Variants in MLLT3 observed in about 807,000 individuals in gnomAD.
The protein encoded by MLLT3 is MLLT3 super elongation complex subunit, also known as protein AF-9.
A neutral mutation model predicts 53.2 loss-of-function variants in MLLT3; 4 were observed. The observed-to-expected ratio is 0.08, with a 90% confidence interval of 0.04 to 0.17. The LOEUF is 0.17. MLLT3 is among the 10% of genes least tolerant of loss of function. The pLI is 1.00. For missense variants in MLLT3, 569 were observed against 684.0 expected (o/e 0.83, Z 1.87); for synonymous variants, 283 against 230.6 (o/e 1.23, Z -2.06).
intron 2 of MLLT3, among the ~76,000 whole-genome samples, chr9:20,530,337 C>T (rs1818299464): frequency 6.6e-6 from 1 of 152,122 alleles, no homozygotes; most frequent in East Asian, 1.9e-4. Flanking sequence ...AATATTGAAA[C>T]TGTTAAGTAA....
intron 5 of MLLT3, among the ~76,000 whole-genome samples, chr9:20,368,130 G>A (rs940673397): frequency 6.6e-6 from 1 of 152,176 alleles, no homozygotes; most frequent in Non-Finnish European, 1.5e-5. Flanking sequence ...CTGTTTGTGG[G>A]TCACAAAGAA....
chr9:20,514,281 A>G (rs1023848207), intron 2 of MLLT3, among the ~76,000 whole-genome samples: 5 of 152,118 alleles, frequency 3.3e-5, no homozygotes, highest in Admixed American at 1.3e-4. Context: ...TGGAGGTTTT[A>G]GTGTCCCAGG....
At chr9:20,397,847 C>A (rs1267619456) in intron 5 of MLLT3, among the ~76,000 whole-genome samples, 6 of 151,908 alleles carry the variant, frequency 3.9e-5, no homozygotes, top group African/African-American at 1.4e-4. Context: ...TCTTTTAAAA[C>A]CACTCTTAGA....
intron 5 of MLLT3, among the ~76,000 whole-genome samples, chr9:20,384,440 C>T (rs894205740): frequency 6.6e-6 from 1 of 151,944 alleles, no homozygotes. Flanking sequence ...TTCCTGCACT[C>T]CTAAGTAAGA....
chr9:20,353,459 C>G, intron 10 of MLLT3, 66 bp downstream of exon 10: 2 of 1,360,028 alleles, frequency 1.5e-6, no homozygotes, highest in South Asian at 2.3e-5. Context: ...GGTGCTATCA[C>G]ACTACTGCAG....
chr9:20,497,707 G>A (rs1226546531), intron 2 of MLLT3, among the ~76,000 whole-genome samples: 1 of 151,920 alleles, frequency 6.6e-6, no homozygotes, highest in African/African-American at 2.4e-5. Context: ...TTCCCTGTTG[G>A]TGGACATCTG....
At chr9:20,608,425 T>C (rs977119093) in intron 2 of MLLT3, among the ~76,000 whole-genome samples, 3 of 151,970 alleles carry the variant, frequency 2.0e-5, no homozygotes, top group African/African-American at 7.2e-5. Context: ...AAATGTATAC[T>C]GTACTGATAT....
At chr9:20,580,942 T>G (rs1819777221) in intron 2 of MLLT3, among the ~76,000 whole-genome samples, 1 of 152,208 alleles carries the variant, frequency 6.6e-6, no homozygotes, top group South Asian at 2.1e-4. Flanking sequence ...TTTTTAAACC[T>G]ACATTATATT....
At chr9:20,454,347 T>C (rs1209582875) in intron 3 of MLLT3, among the ~76,000 whole-genome samples, 3 of 152,160 alleles carry the variant, frequency 2.0e-5, no homozygotes, top group Non-Finnish European at 4.4e-5. Context: ...AAATCTGGCA[T>C]ATGGGGAAAT....
intron 2 of MLLT3, among the ~76,000 whole-genome samples, chr9:20,541,245 G>A (rs1818622358): frequency 6.6e-6 from 1 of 152,088 alleles, no homozygotes; most frequent in African/African-American, 2.4e-5. Flanking sequence ...ACATCTTCCT[G>A]TATTCTTCTG....
intron 2 of MLLT3, among the ~76,000 whole-genome samples, chr9:20,564,288 GAA>G (rs1261625248): frequency 1.3e-5 from 2 of 152,054 alleles, no homozygotes; most frequent in African/African-American, 4.8e-5. Context: ...CAGGGTGTCA[GAA>G]AAGTTTCATG....
chr9:20,610,866 A>G (rs910667914), intron 2 of MLLT3, among the ~76,000 whole-genome samples: 1 of 152,186 alleles, frequency 6.6e-6, no homozygotes, highest in Non-Finnish European at 1.5e-5. Flanking sequence ...TACAACAAGC[A>G]TCAGACAATC....
intron 2 of MLLT3, among the ~76,000 whole-genome samples, chr9:20,600,225 T>C (rs1276776851): frequency 6.6e-6 from 1 of 152,210 alleles, no homozygotes; most frequent in Non-Finnish European, 1.5e-5. Context: ...GCTTCATTTT[T>C]CATAGCTTCA....
At chr9:20,561,029 T>C (rs1467231187) in intron 2 of MLLT3, among the ~76,000 whole-genome samples, 1 of 152,312 alleles carries the variant, frequency 6.6e-6, no homozygotes, top group African/African-American at 2.4e-5. Context: ...TACTGTTAAA[T>C]GTTATAACTG....
chr9:20,484,147 A>G (rs1414309769), intron 2 of MLLT3, among the ~76,000 whole-genome samples: 3 of 152,228 alleles, frequency 2.0e-5, no homozygotes, highest in Non-Finnish European at 4.4e-5. Flanking sequence ...ACATGAACAT[A>G]TAATAAGAGA....
At chr9:20,568,012 A>G (rs917418115) in intron 2 of MLLT3, among the ~76,000 whole-genome samples, 1 of 152,200 alleles carries the variant, frequency 6.6e-6, no homozygotes, top group Admixed American at 6.6e-5. Context: ...TGGCTATTCA[A>G]TAATTCCCAA....
intron 5 of MLLT3, among the ~76,000 whole-genome samples, chr9:20,412,664 T>A (rs904008130): frequency 6.6e-6 from 1 of 152,184 alleles, no homozygotes; most frequent in Non-Finnish European, 1.5e-5. Context: ...TTGCCAGTTA[T>A]TTTTAGCCAG....
intron 2 of MLLT3, among the ~76,000 whole-genome samples, chr9:20,463,657 C>G (rs1456774183): frequency 6.6e-5 from 10 of 152,116 alleles, no homozygotes; most frequent in Admixed American, 5.2e-4. Context: ...CTAGTGGACA[C>G]AGATGTCCAG....
chr9:20,497,066 A>G (rs1292084967), intron 2 of MLLT3, among the ~76,000 whole-genome samples: 1 of 152,204 alleles, frequency 6.6e-6, no homozygotes, highest in East Asian at 1.9e-4. Flanking sequence ...TCAAACCACA[A>G]CTGATTCTCA....
Sources: allele counts gnomAD v4.1 joint callset (sites outside exome capture counted in the v4.1 genomes callset), GRCh38; gene constraint gnomAD v4.1.1; transcripts MANE v1.5; gene names NCBI Gene and HGNC (gene_info 2026-07-23, HGNC 2026-07-21).